The following ZNF91 variants were observed in gnomAD, a reference collection of about 807,000 sequenced individuals.
ZNF91 encodes zinc finger protein 91.
A neutral mutation model predicts 12.6 loss-of-function variants in ZNF91; 7 were observed. The ratio of observed to expected loss-of-function variants is 0.55; its 90% confidence interval spans 0.31 to 1.04. The LOEUF (loss-of-function observed/expected upper bound fraction) is 1.04. Ranked by LOEUF, ZNF91 falls within the 50% of genes least tolerant of loss-of-function variation. The pLI is 0.05. For missense variants in ZNF91, 1,217 were observed against 1,385.4 expected (o/e 0.88, Z 1.93); for synonymous variants, 453 against 462.6 (o/e 0.98, Z 0.27).
intron 3 of ZNF91, among the ~76,000 whole-genome samples, chr19:23,343,756 A>G (rs978123848): frequency 3.9e-5 from 6 of 152,202 alleles, no homozygotes; most frequent in African/African-American, 1.4e-4. Context: ...TAATAAAGCC[A>G]TATCAAAACT....
At chr19:23,320,991 GC>G (rs1374850100) in intron 1 of ZNF91, among the ~76,000 whole-genome samples, 1 of 152,186 alleles carries the variant, frequency 6.6e-6, no homozygotes, top group Non-Finnish European at 1.5e-5. Context: ...GGGACACAAT[GC>G]CCAGAAAACA....
intron 3 of ZNF91, among the ~76,000 whole-genome samples, chr19:23,366,108 CG>C (rs1969002324): frequency 6.6e-6 from 1 of 152,192 alleles, no homozygotes; most frequent in Admixed American, 6.5e-5. Flanking sequence ...GGGTGGTGGC[CG>C]GGCAGAGGGG....
intron 3 of ZNF91, among the ~76,000 whole-genome samples, chr19:23,363,583 C>T (rs922730760): frequency 6.6e-6 from 1 of 152,162 alleles, no homozygotes; most frequent in Non-Finnish European, 1.5e-5. Flanking sequence ...CAGGACAAAA[C>T]TACATTATAA....
intron 1 of ZNF91, among the ~76,000 whole-genome samples, chr19:23,380,020 G>A (rs1361668529): frequency 6.6e-6 from 1 of 152,074 alleles, no homozygotes; most frequent in Admixed American, 6.6e-5. Context: ...ACTTTAGGAG[G>A]TTGAGGTGGG....
intron 1 of ZNF91, among the ~76,000 whole-genome samples, chr19:23,383,759 A>G (rs1969790780): frequency 6.6e-6 from 1 of 152,112 alleles, no homozygotes; most frequent in East Asian, 1.9e-4. Context: ...TTCTCTTAAC[A>G]CTACTATTCA....
At chr19:23,342,178 C>A in intron 3 of ZNF91, 1 of 508,928 alleles carries the variant, frequency 2.0e-6, no homozygotes. Flanking sequence ...ACCTGAGAAG[C>A]TGACTACTGT....
intron 1 of ZNF91, among the ~76,000 whole-genome samples, chr19:23,392,409 A>G (rs1304947884): frequency 6.9e-6 from 1 of 144,880 alleles, no homozygotes; most frequent in African/African-American, 2.6e-5. Flanking sequence ...AAAAAAAAAA[A>G]AAAAGAAAAA....
chr19:23,383,366 C>T (rs1186384844), intron 1 of ZNF91, among the ~76,000 whole-genome samples: 1 of 152,116 alleles, frequency 6.6e-6, no homozygotes, highest in Non-Finnish European at 1.5e-5. Context: ...CTATGACAAA[C>T]CCTCAGCCCC....
At chr19:23,385,141 T>C in intron 1 of ZNF91, 2 of 735,216 alleles carry the variant, frequency 2.7e-6, no homozygotes, top group African/African-American at 1.7e-5. Flanking sequence ...CGAAGACATG[T>C]TTCACCATCC....
At chr19:23,379,732 T>TGAAATAG (rs1480393773) in intron 1 of ZNF91, among the ~76,000 whole-genome samples, 10 of 152,416 alleles carry the variant, frequency 6.6e-5, no homozygotes, top group African/African-American at 2.4e-4. Flanking sequence ...TCTACAAAAG[T>TGAAATAG]GGTTGAATAG....
At chr19:23,342,127 G>T in intron 3 of ZNF91, 1 of 404,646 alleles carries the variant, frequency 2.5e-6, no homozygotes, top group Non-Finnish European at 4.5e-6. Flanking sequence ...TCTGACCTTC[G>T]TATCCCTCGT....
chr19:23,335,401 C>G (rs1967986860), downstream of ZNF91, among the ~76,000 whole-genome samples: 1 of 152,234 alleles, frequency 6.6e-6, no homozygotes, highest in African/African-American at 2.4e-5. Context: ...ACCTTTTCTT[C>G]AGCTATGCCC....
Position 23,373,346 on chromosome 19 carries a change from T to TTATATA in ZNF91, c.253+390_253+395dup, listed in dbSNP as rs200251921. Among the ~76,000 whole-genome samples the TTATATA allele has an allele frequency of 9.5e-3, 810 of 85,516 alleles. 4 individuals are homozygous for TTATATA. Among genetic ancestry groups the TTATATA allele is most frequent in the African/African-American group, 0.018 (452 of 25,628 alleles). The allele number at this position is 85,516 out of a possible 152,430, so 56.1% of individuals were successfully genotyped here. The stretch of plus-strand genomic sequence containing the variant: ...GTTGCTTTTTGTAGATCATGTAATC[T>TTATATA]TATATATATATATATATATATATAT... On this transcript the variant is annotated intron_variant, in intron 3 of 3. Coordinates refer to ENST00000300619, the MANE Select transcript of ZNF91 (RefSeq NM_003430.4).
chr19:23,366,142 G>A (rs12973888), intron 3 of ZNF91, among the ~76,000 whole-genome samples: 28,653 of 152,052 alleles, frequency 0.19, 2,924 homozygotes, highest in Non-Finnish European at 0.21. Flanking sequence ...CAGTAGGGGC[G>A]GCCGGGCAGA....
intron 1 of ZNF91, among the ~76,000 whole-genome samples, chr19:23,323,442 CCT>C (rs975074437): frequency 2.2e-5 from 3 of 136,688 alleles, no homozygotes; most frequent in Non-Finnish European, 3.1e-5. Context: ...CCATTCTTTT[CCT>C]TTTTTCTCCT....
downstream of ZNF91, among the ~76,000 whole-genome samples, chr19:23,336,934 G>A (rs11673174): frequency 0.19 from 28,662 of 152,050 alleles, 2,922 homozygotes; most frequent in Non-Finnish European, 0.21. Flanking sequence ...CATTTATAAC[G>A]TATTTGTATG....
intron 1 of ZNF91, among the ~76,000 whole-genome samples, chr19:23,376,163 A>G (rs1047584025): frequency 2.0e-5 from 3 of 152,172 alleles, no homozygotes; most frequent in Admixed American, 6.5e-5. Flanking sequence ...CCTCAACATT[A>G]TATGTTCTCC....
chr19:23,360,433 G>C lies in ZNF91; in HGVS notation c.2546C>G (p.Ala849Gly). The C allele has an allele frequency of 6.2e-7, 1 of 1,613,954 alleles. No homozygotes were observed. The highest frequency in any genetic ancestry group is 8.5e-7 in the Non-Finnish European group (1 of 1,179,970). The change falls in exon 4 of 4, where the codon GCT (alanine) becomes GGT (glycine). Residue 849 changes from alanine (A) to glycine (G), a missense_variant. Physicochemically the swap from Ala to Gly is moderately conservative, Grantham distance 60 (BLOSUM62 0). Coordinates refer to ENST00000300619, the MANE Select transcript of ZNF91 (RefSeq NM_003430.4). ...CTCACATTTGTAGAGTTTCTCTCCA[G>C]CATGTATTATTTTATGTTTAGCAAG... ...SALAKHKIIH[A>G]GEKLYKCEEC...
At chr19:23,387,206 A>C (rs1158642463) in intron 1 of ZNF91, among the ~76,000 whole-genome samples, 3 of 152,254 alleles carry the variant, frequency 2.0e-5, no homozygotes, top group Admixed American at 2.0e-4. Context: ...GTGTACATTA[A>C]TTCAACCATT....
Sources: allele counts gnomAD v4.1 joint callset (sites outside exome capture counted in the v4.1 genomes callset), GRCh38; gene constraint gnomAD v4.1.1; transcripts MANE v1.5; gene names NCBI Gene and HGNC (gene_info 2026-07-23, HGNC 2026-07-21).